The following B9D2 variants were observed in gnomAD, a reference collection of about 807,000 sequenced individuals.
B9D2 encodes the protein B9 domain containing 2, also known as B9 domain-containing protein 2.
Under a neutral mutation model 19.2 loss-of-function variants are expected in B9D2, and 21 were observed. The observed-to-expected ratio is 1.09, with a 90% CI of 0.78 to 1.58. B9D2 has a LOEUF of 1.58. Ranked by LOEUF, B9D2 falls within the 40% of genes most tolerant of loss-of-function variation. B9D2 has a pLI of 0.00. For synonymous variants in B9D2, 91 were observed against 100.6 expected (o/e 0.90, Z 0.57); for missense variants, 221 against 244.3 (o/e 0.90, Z 0.64).
At chr19:41,355,416 G>A (rs2038297270) in intron 3 of B9D2, among the ~76,000 whole-genome samples, 1 of 104,310 alleles carries the variant, frequency 9.6e-6, no homozygotes, top group African/African-American at 4.3e-5. Context: ...GCCTTGTCAG[G>A]GACACCTCCT....
intron 3 of B9D2, among the ~76,000 whole-genome samples, chr19:41,357,236 G>A (rs948389863): frequency 1.3e-5 from 2 of 152,138 alleles, no homozygotes; most frequent in African/African-American, 4.8e-5. Context: ...ACTCTGAGGT[G>A]CCACTGTCTG....
intron 3 of B9D2, among the ~76,000 whole-genome samples, chr19:41,356,270 G>A (rs2038311970): frequency 1.3e-5 from 2 of 152,152 alleles, no homozygotes; most frequent in Admixed American, 1.3e-4. Flanking sequence ...CAAGATTCTT[G>A]TCATAGTCCA....
chr19:41,361,505 G>A (rs540072527), intron 2 of B9D2, among the ~76,000 whole-genome samples: 1 of 152,060 alleles, frequency 6.6e-6, no homozygotes, highest in African/African-American at 2.4e-5. Context: ...AAGGACCCAG[G>A]GGCCAGGCGC....
intron 2 of B9D2, among the ~76,000 whole-genome samples, chr19:41,361,770 G>A (rs2038406464): frequency 1.7e-5 from 1 of 58,526 alleles, no homozygotes; most frequent in Non-Finnish European, 3.5e-5. Context: ...CTTGGCTACA[G>A]AGTGAGACTC....
At chr19:41,360,657 C>A (rs950364508) in intron 2 of B9D2, among the ~76,000 whole-genome samples, 4 of 149,954 alleles carry the variant, frequency 2.7e-5, no homozygotes, top group Non-Finnish European at 4.4e-5. Flanking sequence ...AGGCACACGC[C>A]GCCATGCCCA....
intron 2 of B9D2, among the ~76,000 whole-genome samples, chr19:41,362,706 C>A (rs1460693679): frequency 6.6e-6 from 1 of 152,150 alleles, no homozygotes; most frequent in South Asian, 2.1e-4. Context: ...CCCAAGGGTG[C>A]CTTAACAAGC....
At chr19:41,362,259 G>T (rs1403623791) in intron 2 of B9D2, among the ~76,000 whole-genome samples, 1 of 149,758 alleles carries the variant, frequency 6.7e-6, no homozygotes, top group Non-Finnish European at 1.5e-5. Flanking sequence ...GCATGGTGGC[G>T]AGCGCCTGTA....
chr19:41,361,099 G>A (rs1400193393), intron 2 of B9D2: 3 of 152,132 alleles, frequency 2.0e-5, no homozygotes, highest in African/African-American at 7.2e-5. Context: ...GCAGACCAAG[G>A]TCCCATCATG....
intron 2 of B9D2, among the ~76,000 whole-genome samples, chr19:41,360,165 G>T (rs1483330494): frequency 6.6e-6 from 1 of 150,676 alleles, no homozygotes; most frequent in South Asian, 2.1e-4. Flanking sequence ...GAATCACGGT[G>T]CTCCTTTCTT....
At position 41,357,884 on chromosome 19, in the gene B9D2, G is replaced by A. The variant is rs1392727346; in HGVS notation, c.214+13C>T. 3.1e-6 allele frequency: 5 copies of A among 1,613,880 alleles called. No homozygotes were observed. The highest frequency in any genetic ancestry group is 4.2e-6 in the Non-Finnish European group (5 of 1,179,992). On this transcript the variant is annotated intron_variant, in intron 3 of 3. Transcript: ENST00000243578. ...CCCCTCAGCCTGGACCCGGGTCCAG[G>A]TGTGATACCCACCTTGAAGACCTTT...
intron 2 of B9D2, among the ~76,000 whole-genome samples, chr19:41,360,691 T>A: frequency 6.6e-6 from 1 of 151,376 alleles, no homozygotes; most frequent in Non-Finnish European, 1.5e-5. Flanking sequence ...GTATTTTTAG[T>A]AGAAATGGGG....
chr19:41,359,869 G>A (rs997057834), intron 2 of B9D2, among the ~76,000 whole-genome samples: 2 of 151,704 alleles, frequency 1.3e-5, no homozygotes, highest in African/African-American at 4.9e-5. Flanking sequence ...ACGTGGCCTG[G>A]CTCTTGCTCC....
chr19:41,354,660 T>A lies in B9D2; in HGVS notation c.*40A>T. ...TGCCATCCTCCCCCATCACTGGGTG[T>A]CCGGGGTGTGGATGGTGGTGACGTT... On this transcript the variant is annotated 3_prime_UTR_variant, in exon 4 of 4. Coordinates refer to ENST00000243578, the MANE Select transcript of B9D2 (RefSeq NM_030578.4). 1 of 1,611,236 alleles carries A rather than the reference T, an allele frequency of 6.2e-7. No homozygotes were observed. Among genetic ancestry groups the A allele is most frequent in the Non-Finnish European group, 8.5e-7 (1 of 1,177,672 alleles).
chr19:41,358,860 A>G (rs530848358), intron 2 of B9D2, among the ~76,000 whole-genome samples: 32 of 151,940 alleles, frequency 2.1e-4, no homozygotes, highest in African/African-American at 7.2e-4. Flanking sequence ...ATAAAAATTA[A>G]GGCTGAGCGC....
At chr19:41,363,257 C>T (rs1041392595) in intron 2 of B9D2, among the ~76,000 whole-genome samples, 175 bp downstream of exon 2, 3 of 151,982 alleles carry the variant, frequency 2.0e-5, no homozygotes, top group African/African-American at 7.3e-5. Flanking sequence ...TCCCACCCCT[C>T]ACACACACAA....
rs553208528 is a variant in B9D2 at position 41,356,721 on chromosome 19, C to A, written c.214+1176G>T. ...CAAAAATTAGCCAGATGTGGTGGCACGTGGCTGTAGTCCCAGCTACTCGTG... is the reference window on the plus strand; with the variant it reads ...CAAAAATTAGCCAGATGTGGTGGCAAGTGGCTGTAGTCCCAGCTACTCGTG... On this transcript the variant is annotated intron_variant, in intron 3 of 3. Transcript: ENST00000243578. Among the ~76,000 whole-genome samples, 4 of 151,820 alleles carry A rather than the reference C, an allele frequency of 2.6e-5. No homozygotes were observed. In the South Asian group the frequency reaches 8.3e-4, roughly 32 times the overall value.
chr19:41,362,041 C>T (rs1340602603), intron 2 of B9D2, among the ~76,000 whole-genome samples: 1 of 97,388 alleles, frequency 1.0e-5, no homozygotes, highest in Non-Finnish European at 2.1e-5. Flanking sequence ...GATCGTGCCA[C>T]TGCACTCTAG....
rs556662426 is a variant in B9D2, at chr19:41,361,782, G to A, written c.88+1650C>T. On this transcript the variant is annotated intron_variant, in intron 2 of 3. Transcript: ENST00000243578. ...TAGCTTGGCTACAGAGTGAGACTCT[G>A]TCTCAAAAAAAAAAGGGCCAGGCGC... Among the ~76,000 whole-genome samples the A allele has an allele frequency of 7.0e-4, 35 of 50,182 alleles. 4 individuals are homozygous for A. In the South Asian group the frequency reaches 0.018, roughly 26 times the overall value. 32.9% of individuals were successfully genotyped at this position (50,182 alleles called of 152,430 possible). A position where few individuals can be genotyped will look rare whatever the true frequency, so the allele number is the denominator to read the frequency against.
At chr19:41,361,110 G>A (rs953189678) in intron 2 of B9D2, 5 of 152,130 alleles carry the variant, frequency 3.3e-5, no homozygotes, top group African/African-American at 1.2e-4. Context: ...TCCCATCATG[G>A]GACTGGATTC....
Sources: allele counts gnomAD v4.1 joint callset (sites outside exome capture counted in the v4.1 genomes callset), GRCh38; gene constraint gnomAD v4.1.1; transcripts MANE v1.5; gene names NCBI Gene and HGNC (gene_info 2026-07-23, HGNC 2026-07-21).